ADGRL2: variants seen among roughly 807,000 people sequenced by gnomAD.
ADGRL2 encodes the protein calcium-independent alpha-latrotoxin receptor 2.
Under a neutral mutation model 157.4 loss-of-function variants are expected in ADGRL2, and 44 were observed. The observed-to-expected ratio is 0.28, with a 90% CI of 0.22 to 0.36. The LOEUF (loss-of-function observed/expected upper bound fraction) is 0.36. ADGRL2 is among the 10% of genes least tolerant of loss of function. ADGRL2 has a pLI of 1.00. For synonymous variants in ADGRL2, 585 were observed against 624.7 expected (o/e 0.94, Z 0.95); for missense variants, 1,510 against 1,768.9 (o/e 0.85, Z 2.63).
At chr1:81,616,674 C>CTTTTTTTTT (rs1393879384) in intron 3 of ADGRL2, among the ~76,000 whole-genome samples, 4 of 51,858 alleles carry the variant, frequency 7.7e-5, no homozygotes, top group African/African-American at 2.0e-4. Context: ...CTTTTCTTTT[C>CTTTTTTTTT]TTTTCTTTTT....
At chr1:81,853,814 G>T (rs955755423) in intron 2 of ADGRL2, among the ~76,000 whole-genome samples, 1 of 151,892 alleles carries the variant, frequency 6.6e-6, no homozygotes, top group African/African-American at 2.4e-5. Flanking sequence ...TGATGTTTGA[G>T]AACAAAATTG....
rs369228578 is a variant in ADGRL2, at chr1:81,679,240, G to C, written c.-142-82571G>C. Among the ~76,000 whole-genome samples, 28 of 152,166 alleles carry C rather than the reference G, an allele frequency of 1.8e-4. No homozygotes were observed. The East Asian group carries it at 3.1e-3, about 17-fold the overall frequency. ...GTCAGTGTTTCCATAAGGGGAATAG[G>C]GTAGGAGGTCAGGCCAATTTCCAGA... On this transcript the variant is annotated intron_variant, in intron 3 of 24. Coordinates refer to the ADGRL2 transcript ENST00000370721.
chr1:81,912,634 A>C (rs532519139), intron 3 of ADGRL2, among the ~76,000 whole-genome samples: 4 of 152,172 alleles, frequency 2.6e-5, no homozygotes, highest in Non-Finnish European at 5.9e-5. Context: ...CCTGCTAGAC[A>C]ACATCTGCAT....
intron 2 of ADGRL2, among the ~76,000 whole-genome samples, chr1:81,841,623 G>C (rs531634522): frequency 6.6e-6 from 1 of 151,918 alleles, no homozygotes; most frequent in Non-Finnish European, 1.5e-5. Flanking sequence ...ATTTACACAC[G>C]CATATAACAA....
intron 2 of ADGRL2, among the ~76,000 whole-genome samples, chr1:81,871,299 G>A (rs1326678376): frequency 6.6e-6 from 1 of 151,668 alleles, no homozygotes; most frequent in African/African-American, 2.4e-5. Flanking sequence ...ATTCCATGGT[G>A]TATATGTGCC....
At chr1:81,868,181 T>C (rs572754244) in intron 2 of ADGRL2, among the ~76,000 whole-genome samples, 58 of 152,050 alleles carry the variant, frequency 3.8e-4, no homozygotes, top group Non-Finnish European at 6.8e-4. Flanking sequence ...CAGTAGGCAG[T>C]GCTAATACTG....
intron 2 of ADGRL2, among the ~76,000 whole-genome samples, chr1:81,450,978 C>T (rs1309775338): frequency 3.3e-5 from 5 of 152,106 alleles, no homozygotes; most frequent in Non-Finnish European, 7.4e-5. Context: ...AATACAGAAT[C>T]TTGTTCATGG....
intron 3 of ADGRL2, among the ~76,000 whole-genome samples, chr1:81,687,986 A>C (rs2083263283): frequency 6.6e-6 from 1 of 152,202 alleles, no homozygotes; most frequent in African/African-American, 2.4e-5. Flanking sequence ...GAGGAGGCTG[A>C]AGATAGGGCC....
intron 1 of ADGRL2, among the ~76,000 whole-genome samples, chr1:81,707,446 A>C (rs890649652): frequency 6.6e-5 from 10 of 152,166 alleles, no homozygotes; most frequent in African/African-American, 2.2e-4. Context: ...CCTTGATGAT[A>C]ATCCTTTCAC....
intron 1 of ADGRL2, among the ~76,000 whole-genome samples, chr1:81,433,034 C>A (rs1298521919): frequency 6.6e-6 from 1 of 152,048 alleles, no homozygotes; most frequent in Non-Finnish European, 1.5e-5. Context: ...GAACATCTGG[C>A]TGAACAACTT....
chr1:81,868,057 T>TG (rs1236343211), intron 2 of ADGRL2, among the ~76,000 whole-genome samples: 56 of 109,590 alleles, frequency 5.1e-4, no homozygotes, highest in Admixed American at 2.6e-3. Context: ...GCTGTGTGTG[T>TG]GTGGTGTGTG....
At chr1:81,779,984 G>A (rs951343622) in intron 2 of ADGRL2, among the ~76,000 whole-genome samples, 1 of 152,160 alleles carries the variant, frequency 6.6e-6, no homozygotes, top group Non-Finnish European at 1.5e-5. Flanking sequence ...ATATGTTGCA[G>A]CTCTGCCAAC....
chr1:81,654,437 C>T (rs17106872), intron 3 of ADGRL2, among the ~76,000 whole-genome samples: 26,277 of 152,066 alleles, frequency 0.17, 2,678 homozygotes, highest in African/African-American at 0.27. Context: ...ATGACTGTTG[C>T]GGTGAAGGTC....
intron 2 of ADGRL2, among the ~76,000 whole-genome samples, chr1:81,523,131 G>A (rs1459796192): frequency 6.6e-6 from 1 of 152,074 alleles, no homozygotes; most frequent in Admixed American, 6.5e-5. Context: ...AAAAACACTT[G>A]CATAGATAGA....
rs985530151 is a variant in ADGRL2 at position 81,907,144 on chromosome 1, G to A, written c.201G>A (p.Thr67=). Residue 67 remains threonine (T), a synonymous_variant, in exon 3 of 24, where the codon ACG becomes ACA. Coordinates refer to ENST00000686636, the MANE Select transcript of ADGRL2 (RefSeq NM_001366006.2). ...TTGAGAGCGCTAACTATGGTCGGACGGATGACAAGATTTGTGATGCTGACC... is the reference window on the plus strand; with the variant it reads ...TTGAGAGCGCTAACTATGGTCGGACAGATGACAAGATTTGTGATGCTGACC... ...IMIESANYGR[T]DDKICDADPF... The A allele has an allele frequency of 6.2e-6, 10 of 1,614,046 alleles. No homozygotes were observed. The highest frequency in any genetic ancestry group is 4.4e-5 in the South Asian group (4 of 91,082).
At chr1:81,709,575 T>C (rs1465203145) in intron 1 of ADGRL2, among the ~76,000 whole-genome samples, 1 of 151,724 alleles carries the variant, frequency 6.6e-6, no homozygotes, top group Non-Finnish European at 1.5e-5. Flanking sequence ...GTGTTTGGAG[T>C]TTATTTTTTT....
chr1:81,382,679 G>T (rs775022779), intron 1 of ADGRL2, among the ~76,000 whole-genome samples: 2 of 152,150 alleles, frequency 1.3e-5, no homozygotes, highest in African/African-American at 4.8e-5. Context: ...TGGTTCCACC[G>T]CCTGAGCTGA....
In ADGRL2 at chr1:81,562,384, C is replaced by T. The variant is rs577910201; in HGVS notation, c.-247-18492C>T. 2.6e-3 allele frequency among the ~76,000 whole-genome samples: 399 copies of T among 152,206 alleles called. 1 individual carries two copies. The highest frequency in any genetic ancestry group is 9.3e-3 in the African/African-American group (385 of 41,558). ...ACCCATATTTTCATTTAAAGGAAAA[C>T]TAGGAAACAATTACACCCAGATTGT... On this transcript the variant is annotated intron_variant, in intron 2 of 24. Coordinates refer to the ADGRL2 transcript ENST00000370721.
At position 81,990,441 on chromosome 1, in the gene ADGRL2, C is replaced by A. The variant is rs746655027; in HGVS notation, c.3706C>A (p.Leu1236Ile). ...RDTSAMDTLPLNGNFNNSYSL... is the reference protein window; with the variant it reads ...RDTSAMDTLPINGNFNNSYSL... The stretch of plus-strand genomic sequence containing the variant: ...TACAAGTGCCATGGATACTCTACCG[C>A]TAAATGGTAATTTTAACAACAGCTA... The change falls in exon 24 of 24, where the codon CTA becomes ATA. Residue 1236 changes from leucine to isoleucine, a missense_variant. Around this residue, in one of 4 missense-constraint regions of ADGRL2, gnomAD observed 327 missense variants for 310.1 expected, o/e 1.05. Transcript: ENST00000686636. 5 of 1,614,080 alleles carry A rather than the reference C, an allele frequency of 3.1e-6. No individual in the cohort carries two copies. In the African/African-American group the frequency reaches 6.7e-5, roughly 22 times the overall value.
Sources: gnomAD v4.1 joint callset for allele counts (sites outside exome capture counted in the v4.1 genomes callset) on GRCh38, gnomAD v4.1.1 for gene constraint, gnomAD v4.1.1 regional missense constraint, MANE v1.5 for transcripts, NCBI Gene and HGNC (gene_info 2026-07-23, HGNC 2026-07-21) for gene names.